The following SLA variants were observed in gnomAD, a reference collection of about 807,000 sequenced individuals.
SLA encodes the protein Src like adaptor, also known as src-like-adapter.
A neutral mutation model predicts 30.3 loss-of-function variants in SLA; 16 were observed. The ratio of observed to expected loss-of-function variants is 0.53; its 90% CI spans 0.36 to 0.80. The LOEUF (loss-of-function observed/expected upper bound fraction) is 0.80. SLA is among the 30% of genes least tolerant of loss of function. The pLI, the probability that SLA is intolerant of heterozygous loss-of-function variation, is 0.01. For missense variants in SLA, 310 were observed against 345.2 expected, an observed-to-expected ratio of 0.90 and a Z score of 0.81; for synonymous variants, 143 against 137.8, an observed-to-expected ratio of 1.04 and a Z score of -0.26.
chr8:133,091,073 G>A (rs1847434472), intron 1 of SLA, among the ~76,000 whole-genome samples: 1 of 152,190 alleles, frequency 6.6e-6, no homozygotes, highest in African/African-American at 2.4e-5. Flanking sequence ...CCAGCTCCTG[G>A]GATTGCTCTG....
chr8:133,055,353 ACACGCACGCGCG>A (rs1171832728), intron 3 of SLA, among the ~76,000 whole-genome samples: 12 of 80,038 alleles, frequency 1.5e-4, no homozygotes, highest in Middle Eastern at 5.7e-3. Flanking sequence ...CAGGACACAC[ACACGCACGCGCG>A]CACACACACA....
At chr8:133,086,776 G>A (rs1846634211) in intron 1 of SLA, among the ~76,000 whole-genome samples, 1 of 152,104 alleles carries the variant, frequency 6.6e-6, no homozygotes. Flanking sequence ...CTATGGGGAA[G>A]CTCTCAATAT....
Position 133,045,115 on chromosome 8 carries a change from C to G in SLA, c.353G>C (p.Gly118Ala). ...GTGTCTCACCGACAGTGAGTAAAAC[C>G]CTGCAGGAGGTGGAGGATAAGTCAG... ...FMIRESETKK[G>A]FYSLSVRHRQ... Residue 118 changes from glycine to alanine, a missense_variant and splice_region_variant, in exon 7 of 9, where the codon GGG (glycine) becomes GCG (alanine). Gly to Ala is a moderately conservative substitution (Grantham distance 60). Transcript: ENST00000338087. 6.2e-7 allele frequency: 1 copy of G among 1,614,070 alleles called. No homozygotes were observed. The highest frequency in any genetic ancestry group is 8.5e-7 in the Non-Finnish European group (1 of 1,179,980).
Position 133,036,946 on chromosome 8 carries a change from A to G in SLA, c.*1578T>C, listed in dbSNP as rs1185757130. The G allele has an allele frequency of 6.6e-6, 1 of 152,340 alleles. No individual in the cohort carries two copies. 9.4% of individuals were successfully genotyped at this position (152,340 alleles called of 1,614,324 possible). ...GGGAAGTCAATGTCCACAGTGTTAC[A>G]TTCATTTCTCATACGTTGGCTGGTT... On this transcript the variant is annotated 3_prime_UTR_variant, in exon 9 of 9. Coordinates refer to ENST00000338087, the MANE Select transcript of SLA (RefSeq NM_001045556.3).
At chr8:133,095,037 C>T in intron 1 of SLA, 2 of 1,613,234 alleles carry the variant, frequency 1.2e-6, no homozygotes, top group Non-Finnish European at 1.7e-6. Flanking sequence ...CCTGCTTTCT[C>T]TTCCAGGGAG....
At chr8:133,061,623 G>A (rs1842378771) in intron 2 of SLA, among the ~76,000 whole-genome samples, 1 of 152,300 alleles carries the variant, frequency 6.6e-6, no homozygotes, top group Admixed American at 6.5e-5. Flanking sequence ...TGCTTTGTGG[G>A]GTCAAAGAGA....
In SLA at chr8:133,072,661, G is replaced by A. The variant is rs183224884; in HGVS notation, c.-41+2192C>T. The stretch of plus-strand genomic sequence containing the variant: ...AACCCAGCAGCATCTATTAATGCAG[G>A]GCACTGATTTAGGTGCACTAGAATG... On this transcript the variant is annotated intron_variant, in intron 2 of 8. Transcript: ENST00000338087. 2.5e-3 allele frequency among the ~76,000 whole-genome samples: 374 copies of A among 152,284 alleles called. 5 individuals are homozygous for A. Among genetic ancestry groups the A allele is most frequent in the Non-Finnish European group, 2.1e-3 (141 of 68,030 alleles).
At chr8:133,057,011 G>A (rs758366457) in intron 3 of SLA, among the ~76,000 whole-genome samples, 3 of 152,186 alleles carry the variant, frequency 2.0e-5, no homozygotes, top group Non-Finnish European at 4.4e-5. Context: ...GATGCAGGTG[G>A]TGCGAAGACC....
intron 1 of SLA, among the ~76,000 whole-genome samples, chr8:133,088,665 AG>A (rs1846997783): frequency 6.6e-6 from 1 of 152,258 alleles, no homozygotes; most frequent in African/African-American, 2.4e-5. Flanking sequence ...TATACAAAAA[AG>A]AAGGAATAGC....
At chr8:133,099,493 G>A (rs952785770) in intron 1 of SLA, among the ~76,000 whole-genome samples, 16 of 152,182 alleles carry the variant, frequency 1.1e-4, no homozygotes, top group Non-Finnish European at 1.9e-4. Context: ...TCTGCACACA[G>A]ATTTATTCCT....
intron 1 of SLA, chr8:133,096,075 C>A: frequency 1.8e-6 from 2 of 1,128,938 alleles, no homozygotes; most frequent in Non-Finnish European, 2.6e-6. Flanking sequence ...GCCAGTTGTC[C>A]TGGTCACTTT....
At chr8:133,055,857 G>C (rs986501918) in intron 3 of SLA, among the ~76,000 whole-genome samples, 3 of 94,818 alleles carry the variant, frequency 3.2e-5, no homozygotes, top group Admixed American at 2.9e-4. Flanking sequence ...AGCAGCAGCA[G>C]CAGCAGCAGC....
chr8:133,067,326 T>C (rs986839272), intron 2 of SLA, among the ~76,000 whole-genome samples: 4 of 152,040 alleles, frequency 2.6e-5, no homozygotes, highest in African/African-American at 9.7e-5. Context: ...CTCCTTTCTC[T>C]ACACTGCAGA....
intron 1 of SLA, chr8:133,095,065 G>A: frequency 1.2e-6 from 2 of 1,613,838 alleles, no homozygotes; most frequent in East Asian, 4.5e-5. Flanking sequence ...ACTCTCCCCG[G>A]CCGCCGTCAT....
In SLA at chr8:133,048,762, C is replaced by T. The variant is rs115708073; in HGVS notation, c.249-829G>A. 1.5e-3 allele frequency: 240 copies of T among 161,376 alleles called. 1 individual carries two copies. Among genetic ancestry groups the T allele is most frequent in the African/African-American group, 5.5e-3 (231 of 41,730 alleles). 10.0% of individuals were successfully genotyped at this position (161,376 alleles called of 1,614,324 possible). ...CATCTCTTTCAGAACGTGACTCCCA[C>T]GGCAGCTCCTGCTTCAGTTTTGTTT... On this transcript the variant is annotated intron_variant, in intron 5 of 8. Coordinates refer to ENST00000338087, the MANE Select transcript of SLA (RefSeq NM_001045556.3).
At chr8:133,045,532 C>G (rs1054668462) in intron 6 of SLA, among the ~76,000 whole-genome samples, 2 of 151,670 alleles carry the variant, frequency 1.3e-5, no homozygotes, top group East Asian at 3.9e-4. Context: ...GTAGCTGGGA[C>G]TACAGGCATG....
chr8:133,047,601 G>A (rs1486581099), intron 6 of SLA: 2 of 560,476 alleles, frequency 3.6e-6, no homozygotes, highest in African/African-American at 3.8e-5. Flanking sequence ...CAGGCCTGAT[G>A]TTGGCCAGGC....
At chr8:133,049,269 A>G (rs1839995612) in intron 5 of SLA, 3 of 414,314 alleles carry the variant, frequency 7.2e-6, no homozygotes, top group Non-Finnish European at 9.8e-6. Flanking sequence ...CCATTTTTCA[A>G]GGAAGGCACA....
rs1839101070 is a variant in SLA at position 133,045,229 on chromosome 8, C to T, written c.353-114G>A. On this transcript the variant is annotated intron_variant, in intron 6 of 8. Coordinates refer to ENST00000338087, the MANE Select transcript of SLA (RefSeq NM_001045556.3). ...AGACCTGCCCACCCTTGGGATACAA[C>T]AGTGATGCTAGGATGCAGCCCCTCC... 2.2e-5 allele frequency: 24 copies of T among 1,076,794 alleles called. No homozygotes were observed. In the South Asian group the frequency reaches 3.2e-4, roughly 14 times the overall value. The allele number at this position is 1,076,794 out of a possible 1,614,324, so 66.7% of individuals were successfully genotyped here.
Sources: gnomAD v4.1 joint callset for allele counts (sites outside exome capture counted in the v4.1 genomes callset) on GRCh38, gnomAD v4.1.1 for gene constraint, MANE v1.5 for transcripts, NCBI Gene and HGNC (gene_info 2026-07-23, HGNC 2026-07-21) for gene names.